NLRP3: variants seen among roughly 807,000 people sequenced by gnomAD.
NLRP3 encodes NLR family pyrin domain containing 3.
In NLRP3, 48 loss-of-function variants were observed where a neutral mutation model predicts 91.3. The observed-to-expected ratio is 0.53, with a 90% CI of 0.42 to 0.67. The LOEUF (loss-of-function observed/expected upper bound fraction) is 0.67, where lower values mean the gene tolerates loss of function less well. NLRP3 is among the 30% of genes least tolerant of loss of function. The pLI is 0.00. For synonymous variants in NLRP3, 561 were observed against 507.9 expected (o/e 1.10, Z -1.41); for missense variants, 982 against 1,276.9 (o/e 0.77, Z 3.52).
At chr1:247,447,394 C>A (rs367712620) in intron 9 of NLRP3, among the ~76,000 whole-genome samples, 1 of 152,210 alleles carries the variant, frequency 6.6e-6, no homozygotes, top group Non-Finnish European at 1.5e-5. Flanking sequence ...ACTCTAACTA[C>A]TTCCCAAGGG....
chr1:247,425,101 T>C lies in NLRP3; in HGVS notation c.1652T>C (p.Leu551Pro), dbSNP rs1208629868. 1 of 1,614,000 alleles carries C rather than the reference T, an allele frequency of 6.2e-7. No individual in the cohort carries two copies. The highest frequency in any genetic ancestry group is 8.5e-7 in the Non-Finnish European group (1 of 1,180,008). The change falls in exon 4 of 10, where the codon CTT becomes CCT. Residue 551 changes from leucine (L) to proline (P), a missense_variant. Transcript: ENST00000336119. This position sits in a 1 kb window ranked among gnomAD's most constrained non-coding sequence, Gnocchi z 4.1. ...AACGTTCCAGGGAGTCGTTTGAAGC[T>C]TCCCAGCCGAGACGTGACAGTCCTT... ...RTNVPGSRLK[L>P]PSRDVTVLLE...
In NLRP3 at chr1:247,425,015, T is replaced by G; in HGVS notation, c.1566T>G (p.Thr522=). ...AGTTCTACAGCTTCATCCACATGAC[T>G]TTCCAGGAGTTCTTTGCCGCCATGT... ...CEKFYSFIHM[T]FQEFFAAMYY... is the part of the protein sequence containing the mutation. The change falls in exon 4 of 10, where the codon ACT becomes ACG. Residue 522 remains threonine, a synonymous_variant. Transcript: ENST00000336119. This position sits in a 1 kb window ranked among gnomAD's most constrained non-coding sequence, Gnocchi z 4.1. The G allele has an allele frequency of 6.2e-7, 1 of 1,614,170 alleles. No homozygotes were observed. The highest frequency in any genetic ancestry group is 8.5e-7 in the Non-Finnish European group (1 of 1,180,032).
chr1:247,448,194 G>C lies in NLRP3; in HGVS notation c.3006-211G>C, dbSNP rs180705418. Among the ~76,000 whole-genome samples the C allele has an allele frequency of 8.2e-3, 1,241 of 151,362 alleles. 11 individuals are homozygous for C. Among genetic ancestry groups the C allele is most frequent in the Middle Eastern group, 0.051 (15 of 292 alleles). ...CAGGCATTCTTGAAGAAGGTGCGGA[G>C]TCTCGCGGCCATCTTGGTCTCGGCG... On this transcript the variant is annotated intron_variant, in intron 9 of 9. Coordinates refer to ENST00000336119, the MANE Select transcript of NLRP3 (RefSeq NM_001243133.2).
intron 6 of NLRP3, among the ~76,000 whole-genome samples, chr1:247,435,753 A>G (rs142507379): frequency 6.6e-6 from 1 of 152,344 alleles, no homozygotes; most frequent in Non-Finnish European, 1.5e-5. Context: ...AGCTGAATGT[A>G]GGGAGCTGGG....
In NLRP3 at chr1:247,439,777, T is replaced by C. The variant is rs567987644; in HGVS notation, c.2663+3637T>C. Among the ~76,000 whole-genome samples, 3 of 152,296 alleles carry C rather than the reference T, an allele frequency of 2.0e-5. No homozygotes were observed. In the South Asian group the frequency reaches 6.2e-4, roughly 32 times the overall value. On this transcript the variant is annotated intron_variant, in intron 7 of 9. Coordinates refer to ENST00000336119, the MANE Select transcript of NLRP3 (RefSeq NM_001243133.2). ...TATCATGGATAAATTTCCATGCTGA[T>C]TTGTGTAGATCTATCGATTGGGGCA...
intron 9 of NLRP3, among the ~76,000 whole-genome samples, chr1:247,445,699 G>T (rs1190366049): frequency 6.6e-6 from 1 of 152,126 alleles, no homozygotes; most frequent in Non-Finnish European, 1.5e-5. Flanking sequence ...CCCTGAAGAC[G>T]TTTTCACTGC....
chr1:247,442,059 T>C (rs929285770), intron 7 of NLRP3, among the ~76,000 whole-genome samples: 5 of 152,392 alleles, frequency 3.3e-5, no homozygotes, highest in East Asian at 1.9e-4. Flanking sequence ...AACCCTCTGA[T>C]AGAATTCTTA....
chr1:247,444,425 C>A (rs894075383), intron 8 of NLRP3, among the ~76,000 whole-genome samples: 3 of 151,770 alleles, frequency 2.0e-5, no homozygotes, highest in African/African-American at 7.3e-5. Context: ...TTTGGTAAAT[C>A]AATGAACAAA....
chr1:247,442,977 A>G (rs1394973906), intron 7 of NLRP3, among the ~76,000 whole-genome samples: 3 of 152,116 alleles, frequency 2.0e-5, no homozygotes, highest in African/African-American at 7.2e-5. Flanking sequence ...GCCCAGGTTG[A>G]AGTGCAGTGG....
In NLRP3 at chr1:247,444,190, G is replaced by A. The variant is rs141689621; in HGVS notation, c.2834+48G>A. 1.9e-5 allele frequency: 31 copies of A among 1,596,608 alleles called. No homozygotes were observed. In the African/African-American group the frequency reaches 3.7e-4, roughly 19 times the overall value. ...GCAATGAGAACACATGGTGGCCAAG[G>A]GTGGAGGGACGTTTAGGCAGAGTGG... On this transcript the variant is annotated intron_variant, in intron 8 of 9. Coordinates refer to ENST00000336119, the MANE Select transcript of NLRP3 (RefSeq NM_001243133.2).
intron 4 of NLRP3, among the ~76,000 whole-genome samples, chr1:247,427,301 G>C (rs1056938075): frequency 6.6e-6 from 1 of 152,168 alleles, no homozygotes; most frequent in Non-Finnish European, 1.5e-5. Flanking sequence ...GGATTTCAGC[G>C]TATGGATTTT....
chr1:247,425,385 G>T lies in NLRP3; in HGVS notation c.1936G>T (p.Asp646Tyr), dbSNP rs138061418. Residue 646 changes from aspartate to tyrosine, a missense_variant, in exon 4 of 10, where the codon GAC (aspartate) becomes TAC (tyrosine). Coordinates refer to ENST00000336119, the MANE Select transcript of NLRP3 (RefSeq NM_001243133.2). The surrounding 1 kb of genome is among the most constrained non-coding windows in gnomAD (Gnocchi z 4.1). ...GGAGGACTTCGTGCAAAGGGCCATG[G>T]ACTATTTCCCCAAGATTGAGATCAA... The part of the protein sequence containing the change: ...QEEDFVQRAM[D>Y]YFPKIEINLS... 7.8e-5 allele frequency: 126 copies of T among 1,614,084 alleles called. No individual in the cohort carries two copies. The highest frequency in any genetic ancestry group is 1.1e-4 in the Non-Finnish European group (124 of 1,180,038).
intron 7 of NLRP3, among the ~76,000 whole-genome samples, chr1:247,443,676 G>C (rs980907028): frequency 6.6e-6 from 1 of 152,080 alleles, no homozygotes; most frequent in African/African-American, 2.4e-5. Flanking sequence ...GAGCACTCCT[G>C]GCCGGAGGAA....
Position 247,436,155 on chromosome 1 carries a change from G to A in NLRP3, c.2663+15G>A, listed in dbSNP as rs755399806. On this transcript the variant is annotated intron_variant, in intron 7 of 9. Transcript: ENST00000336119. ...CAGAAACTGGGGTAAGTCTTCATGG[G>A]TGTCTTACCAGAAAAGTAACTTCTT... is the stretch of plus-strand genomic sequence containing the variant. 9 of 1,613,458 alleles carry A rather than the reference G, an allele frequency of 5.6e-6. No homozygotes were observed. Among genetic ancestry groups the A allele is most frequent in the Non-Finnish European group, 7.6e-6 (9 of 1,179,434 alleles).
chr1:247,438,570 T>TA (rs1440151426), intron 7 of NLRP3, among the ~76,000 whole-genome samples: 2 of 152,032 alleles, frequency 1.3e-5, no homozygotes, highest in African/African-American at 4.8e-5. Flanking sequence ...TTTTAGTAGA[T>TA]ACGGGGTTTC....
intron 7 of NLRP3, among the ~76,000 whole-genome samples, chr1:247,440,391 G>A (rs960955330): frequency 2.0e-5 from 3 of 151,984 alleles, no homozygotes; most frequent in Admixed American, 6.5e-5. Context: ...CTCTGCTTTC[G>A]GTTCCCTCTA....
In NLRP3 at chr1:247,424,205, C is replaced by T. The variant is rs1482715504; in HGVS notation, c.756C>T (p.Asp252=). The change falls in exon 4 of 10, where the codon GAC becomes GAT. Residue 252 remains aspartate, a synonymous_variant. Coordinates refer to ENST00000336119, the MANE Select transcript of NLRP3 (RefSeq NM_001243133.2). This position sits in a 1 kb window ranked among gnomAD's most constrained non-coding sequence, Gnocchi z 8.1. ...ASGTLYQDRF[D]YLFYIHCREV... ...GGACACTCTACCAAGACAGGTTTGA[C>T]TATCTGTTCTATATCCACTGTCGAG... 1 of 1,614,110 alleles carries T rather than the reference C, an allele frequency of 6.2e-7. No homozygotes were observed. Among genetic ancestry groups the T allele is most frequent in the South Asian group, 1.1e-5 (1 of 91,066 alleles).
In NLRP3 at chr1:247,448,539, C is replaced by T. The variant is rs758190318; in HGVS notation, c.*35C>T. 2 of 1,318,606 alleles carry T rather than the reference C, an allele frequency of 1.5e-6. No homozygotes were observed. The highest frequency in any genetic ancestry group is 3.4e-5 in the Admixed American group (2 of 59,620). The allele number at this position is 1,318,606 out of a possible 1,614,324, so 81.7% of individuals were successfully genotyped here. Reference sequence around the variant, plus strand: ...CGGGGCTGCCAGACGCCAGTGTTCTCCGGTCCCTCCAGCTGGGGGCCCTCA... The same window carrying T: ...CGGGGCTGCCAGACGCCAGTGTTCTTCGGTCCCTCCAGCTGGGGGCCCTCA... On this transcript the variant is annotated 3_prime_UTR_variant, in exon 10 of 10. Coordinates refer to ENST00000336119, the MANE Select transcript of NLRP3 (RefSeq NM_001243133.2).
intron 4 of NLRP3, among the ~76,000 whole-genome samples, chr1:247,426,662 C>A (rs1662911448): frequency 6.6e-6 from 1 of 152,216 alleles, no homozygotes; most frequent in Non-Finnish European, 1.5e-5. Flanking sequence ...GGTGAAGACC[C>A]AGGTCCTGGT....
Sources: allele counts gnomAD v4.1 joint callset (sites outside exome capture counted in the v4.1 genomes callset), GRCh38; gene constraint gnomAD v4.1.1; non-coding constraint Gnocchi (gnomAD v3.1); transcripts MANE v1.5; gene names NCBI Gene and HGNC (gene_info 2026-07-23, HGNC 2026-07-21).